Variants in SULF1 observed in about 807,000 individuals in gnomAD.
The protein encoded by SULF1 is extracellular sulfatase Sulf-1.
In SULF1, 46 loss-of-function variants were observed where a neutral mutation model predicts 110.5. That is an observed-to-expected ratio of 0.42 (90% confidence interval 0.33 to 0.53). The LOEUF is 0.53. SULF1 is among the 20% of genes least tolerant of loss of function. The pLI is 0.12. For missense variants in SULF1, 941 were observed against 1,094.2 expected, an observed-to-expected ratio of 0.86 and a Z score of 1.98; for synonymous variants, 371 against 387.1, an observed-to-expected ratio of 0.96 and a Z score of 0.49.
intron 5 of SULF1, among the ~76,000 whole-genome samples, chr8:69,565,118 G>A (rs186914108): frequency 1.2e-4 from 19 of 152,214 alleles, no homozygotes; most frequent in South Asian, 2.1e-4. Flanking sequence ...GAAACCAGAC[G>A]GTGAGATCCC....
At chr8:69,655,336 CCCCAGTGGCTA>C (rs1269929806) in intron 22 of SULF1, among the ~76,000 whole-genome samples, 1 of 152,190 alleles carries the variant, frequency 6.6e-6, no homozygotes, top group Non-Finnish European at 1.5e-5. Context: ...ATTTTATGAG[CCCCAGTGGCTA>C]CCACAAGGGA....
chr8:69,651,463 A>G (rs962223466), intron 22 of SULF1, among the ~76,000 whole-genome samples: 2 of 152,164 alleles, frequency 1.3e-5, no homozygotes, highest in East Asian at 1.9e-4. Flanking sequence ...ATGCTTTTAG[A>G]GTTTCTCTAT....
chr8:69,634,831 G>T (rs1186379016), intron 19 of SULF1, among the ~76,000 whole-genome samples: 1 of 151,694 alleles, frequency 6.6e-6, no homozygotes, highest in Non-Finnish European at 1.5e-5. Flanking sequence ...TTTTGAGATG[G>T]AGTTTCACTC....
At chr8:69,596,616 G>A (rs1807353185) in intron 8 of SULF1, among the ~76,000 whole-genome samples, 1 of 152,150 alleles carries the variant, frequency 6.6e-6, no homozygotes, top group African/African-American at 2.4e-5. Context: ...TAATGAGTGG[G>A]ATTTTTGAGG....
rs564723716 is a variant in SULF1 at position 69,655,905 on chromosome 8, C to T, written c.2586-2600C>T. Among the ~76,000 whole-genome samples, 4 of 152,288 alleles carry T rather than the reference C, an allele frequency of 2.6e-5. No homozygotes were observed. The South Asian group carries it at 8.3e-4, about 32-fold the overall frequency. ...TATTATTTTTTCACACTTCTTCTAC[C>T]TTTATTTTTATCCTAGATCTGATAA... On this transcript the variant is annotated intron_variant, in intron 22 of 22. Coordinates refer to ENST00000402687, the MANE Select transcript of SULF1 (RefSeq NM_001128205.2).
intron 1 of SULF1, among the ~76,000 whole-genome samples, chr8:69,471,330 C>G (rs545099213): frequency 6.6e-6 from 1 of 152,092 alleles, no homozygotes; most frequent in African/African-American, 2.4e-5. Flanking sequence ...ACACTTTCCT[C>G]TCTAGAGTTA....
intron 6 of SULF1, among the ~76,000 whole-genome samples, chr8:69,576,896 T>C (rs1805649381): frequency 6.6e-6 from 1 of 152,240 alleles, no homozygotes; most frequent in African/African-American, 2.4e-5. Context: ...GATTAAAGCT[T>C]GTTCAAATGA....
At chr8:69,580,476 A>C (rs921021750) in intron 6 of SULF1, among the ~76,000 whole-genome samples, 1 of 152,178 alleles carries the variant, frequency 6.6e-6, no homozygotes, top group Admixed American at 6.5e-5. Context: ...ATCACATTCT[A>C]CCTTGATTTG....
At position 69,506,235 on chromosome 8, in the gene SULF1, TAC is replaced by T. The variant is rs10656748; in HGVS notation, c.-134+4291_-134+4292del. On this transcript the variant is annotated intron_variant, in intron 3 of 22. Transcript: ENST00000402687. Reference sequence around the variant, plus strand: ...TTTATAAGAGAGATAACACTAAACATACACACACACACACACACACACACAAT... The same window carrying T: ...TTTATAAGAGAGATAACACTAAACATACACACACACACACACACACACAAT... Among the ~76,000 whole-genome samples the T allele has an allele frequency of 6.2e-3, 927 of 149,666 alleles. 9 individuals are homozygous for T. The highest frequency in any genetic ancestry group is 0.021 in the African/African-American group (845 of 40,840).
intron 14 of SULF1, among the ~76,000 whole-genome samples, chr8:69,622,404 C>T (rs146453591): frequency 1.6e-3 from 244 of 152,186 alleles, no homozygotes; most frequent in East Asian, 0.011. Flanking sequence ...ACTGGTGAAA[C>T]GCCATCTCTA....
At chr8:69,490,303 A>G (rs1266512215), upstream of SULF1, among the ~76,000 whole-genome samples, 1 of 151,752 alleles carries the variant, frequency 6.6e-6, no homozygotes, top group Non-Finnish European at 1.5e-5. Flanking sequence ...GGGTTTCATC[A>G]TGTTGCCCAT....
At chr8:69,646,870 T>C (rs1811948700) in intron 22 of SULF1, among the ~76,000 whole-genome samples, 1 of 152,044 alleles carries the variant, frequency 6.6e-6, no homozygotes, top group Non-Finnish European at 1.5e-5. Context: ...GAATTCATAT[T>C]ATTGTATGAC....
At chr8:69,589,435 C>T (rs1238079883) in intron 8 of SULF1, among the ~76,000 whole-genome samples, 1 of 152,198 alleles carries the variant, frequency 6.6e-6, no homozygotes, top group East Asian at 1.9e-4. Flanking sequence ...AGTTTCCTTT[C>T]GTTGTCTTAA....
rs937695327 is a variant in SULF1, at chr8:69,499,908, C to A, written c.-228-1966C>A. On this transcript the variant is annotated intron_variant, in intron 2 of 22. Transcript: ENST00000402687. ...GATATTACAGGTGCACACCACCACA[C>A]CCAGCTAGTTTTTAAATTTTTTGGT... Among the ~76,000 whole-genome samples the A allele has an allele frequency of 3.9e-5, 6 of 152,092 alleles. No homozygotes were observed. The East Asian group carries it at 1.2e-3, about 29-fold the overall frequency.
At chr8:69,577,575 G>A (rs1379057560) in intron 6 of SULF1, among the ~76,000 whole-genome samples, 3 of 152,172 alleles carry the variant, frequency 2.0e-5, no homozygotes, top group Non-Finnish European at 1.5e-5. Context: ...AGAGTGAAAT[G>A]GATGACATTT....
intron 13 of SULF1, among the ~76,000 whole-genome samples, chr8:69,609,165 C>A (rs1374576955): frequency 1.3e-4 from 19 of 151,974 alleles, no homozygotes; most frequent in Admixed American, 1.2e-3. Flanking sequence ...TCTAGGCAAC[C>A]TAGGGAGACG....
At chr8:69,468,578 A>G (rs1808954611) in intron 1 of SULF1, among the ~76,000 whole-genome samples, 1 of 152,184 alleles carries the variant, frequency 6.6e-6, no homozygotes, top group Non-Finnish European at 1.5e-5. Context: ...ATATTACATA[A>G]CCAAAATAGA....
intron 5 of SULF1, among the ~76,000 whole-genome samples, chr8:69,569,249 A>G (rs7845415): frequency 0.31 from 46,726 of 152,098 alleles, 7,636 homozygotes; most frequent in African/African-American, 0.42. Flanking sequence ...TTTCTTTAAA[A>G]CAAAAGCCAG....
intron 13 of SULF1, among the ~76,000 whole-genome samples, chr8:69,607,797 C>T (rs894497463): frequency 6.6e-6 from 1 of 152,156 alleles, no homozygotes; most frequent in Non-Finnish European, 1.5e-5. Context: ...AGAATAATGA[C>T]ACTGAATTGT....
Sources: gnomAD v4.1 joint callset for allele counts (sites outside exome capture counted in the v4.1 genomes callset) on GRCh38, gnomAD v4.1.1 for gene constraint, MANE v1.5 for transcripts, NCBI Gene and HGNC (gene_info 2026-07-23, HGNC 2026-07-21) for gene names.